XYLT1: variants seen among roughly 807,000 people sequenced by gnomAD.
The protein encoded by XYLT1 is xylosyltransferase 1.
XYLT1 carries 36 observed loss-of-function variants against 91.3 expected under a neutral mutation model. The observed-to-expected ratio is 0.39, with a 90% CI of 0.30 to 0.52. The LOEUF is 0.52. XYLT1 is among the 20% of genes least tolerant of loss of function. The pLI, the probability that XYLT1 is intolerant of heterozygous loss-of-function variation, is 0.68. For missense variants in XYLT1, 1,242 were observed against 1,284.5 expected (o/e 0.97, Z 0.51); for synonymous variants, 588 against 532.0 (o/e 1.11, Z -1.45).
intron 1 of XYLT1, among the ~76,000 whole-genome samples, chr16:17,399,684 C>T (rs958820669): frequency 1.3e-5 from 2 of 152,184 alleles, no homozygotes; most frequent in South Asian, 2.1e-4. Context: ...AGATTTTCAT[C>T]CCCTTAACCT....
chr16:17,133,052 CA>C (rs2141504298), intron 9 of XYLT1, among the ~76,000 whole-genome samples: 1 of 152,302 alleles, frequency 6.6e-6, no homozygotes, highest in South Asian at 2.1e-4. Context: ...TGCCCAAGGT[CA>C]ATAGCTTGTA....
At chr16:17,304,480 CCA>C (rs2034443671) in intron 2 of XYLT1, among the ~76,000 whole-genome samples, 3 of 26,966 alleles carry the variant, frequency 1.1e-4, no homozygotes, top group South Asian at 1.9e-3. Context: ...GGGATTTGGA[CCA>C]TTTGGACCGC....
At chr16:17,305,812 T>G (rs1265772017) in intron 2 of XYLT1, among the ~76,000 whole-genome samples, 1 of 152,146 alleles carries the variant, frequency 6.6e-6, no homozygotes. Flanking sequence ...TATTTCCACA[T>G]GAAAAGAGCC....
chr16:17,378,288 A>G (rs970761649), intron 1 of XYLT1, among the ~76,000 whole-genome samples: 21 of 150,702 alleles, frequency 1.4e-4, no homozygotes, highest in Non-Finnish European at 1.2e-4. Context: ...ATAGGTATTT[A>G]TTTGTTCCAA....
intron 3 of XYLT1, among the ~76,000 whole-genome samples, chr16:17,230,675 G>A (rs1171689958): frequency 6.6e-6 from 1 of 152,096 alleles, no homozygotes; most frequent in Non-Finnish European, 1.5e-5. Context: ...CCCTTCCAAG[G>A]TCATCTGAGC....
chr16:17,180,155 C>A (rs912817700), intron 5 of XYLT1, among the ~76,000 whole-genome samples: 3 of 152,214 alleles, frequency 2.0e-5, no homozygotes, highest in Admixed American at 2.0e-4. Context: ...GGGGCCATCT[C>A]CCGGTCGCTC....
At chr16:17,463,343 A>T (rs1232583099) in intron 1 of XYLT1, among the ~76,000 whole-genome samples, 1 of 152,032 alleles carries the variant, frequency 6.6e-6, no homozygotes, top group Non-Finnish European at 1.5e-5. Context: ...TAATAACCAA[A>T]ATATATAAAG....
At chr16:17,277,578 C>T (rs1404932351) in intron 2 of XYLT1, among the ~76,000 whole-genome samples, 6 of 152,002 alleles carry the variant, frequency 3.9e-5, no homozygotes, top group Admixed American at 6.6e-5. Flanking sequence ...TTAGTAGAGA[C>T]GGGGTTTCAC....
At chr16:17,125,346 C>T (rs1051786439) in intron 10 of XYLT1, among the ~76,000 whole-genome samples, 9 of 152,140 alleles carry the variant, frequency 5.9e-5, no homozygotes, top group Admixed American at 1.3e-4. Context: ...TGTCTTGCCT[C>T]CTATCCGCCA....
At chr16:17,174,871 A>T (rs2031905071) in intron 5 of XYLT1, among the ~76,000 whole-genome samples, 1 of 152,156 alleles carries the variant, frequency 6.6e-6, no homozygotes, top group African/African-American at 2.4e-5. Flanking sequence ...CCTGGGTTGA[A>T]GCGATTCTCT....
intron 3 of XYLT1, among the ~76,000 whole-genome samples, chr16:17,236,221 T>C (rs2033246239): frequency 6.6e-6 from 1 of 152,198 alleles, no homozygotes; most frequent in African/African-American, 2.4e-5. Context: ...TTTTTAATTA[T>C]TAGCAACTAA....
intron 1 of XYLT1, among the ~76,000 whole-genome samples, chr16:17,450,104 G>A (rs2036645321): frequency 6.6e-6 from 1 of 152,126 alleles, no homozygotes; most frequent in Non-Finnish European, 1.5e-5. Flanking sequence ...TTGGGAGGTG[G>A]AGGCAGGCAG....
chr16:17,118,242 T>G (rs1567279779), intron 10 of XYLT1, among the ~76,000 whole-genome samples: 1 of 152,014 alleles, frequency 6.6e-6, no homozygotes, highest in Non-Finnish European at 1.5e-5. Context: ...GCATGTGCTT[T>G]GAAAAGAAAA....
intron 3 of XYLT1, among the ~76,000 whole-genome samples, chr16:17,202,544 G>T (rs1458913208): frequency 6.6e-6 from 1 of 151,926 alleles, no homozygotes; most frequent in Non-Finnish European, 1.5e-5. Flanking sequence ...CTTCTCCCTG[G>T]CTTCTTGTGA....
At chr16:17,189,142 T>C (rs1289139114) in intron 5 of XYLT1, among the ~76,000 whole-genome samples, 1 of 152,082 alleles carries the variant, frequency 6.6e-6, no homozygotes. Flanking sequence ...ACTTTCCTCC[T>C]CAAAGCACCC....
chr16:17,310,989 G>A (rs1278937871), intron 2 of XYLT1, among the ~76,000 whole-genome samples: 6 of 152,132 alleles, frequency 3.9e-5, no homozygotes, highest in Non-Finnish European at 7.4e-5. Flanking sequence ...GTCAGAGCAC[G>A]GAGAAAAAGG....
intron 2 of XYLT1, among the ~76,000 whole-genome samples, chr16:17,330,557 CA>C: frequency 6.6e-6 from 1 of 151,982 alleles, no homozygotes; most frequent in South Asian, 2.1e-4. Context: ...GAGGCCGAGG[CA>C]GGCAGATCTC....
chr16:17,432,535 G>A (rs959908995), intron 1 of XYLT1, among the ~76,000 whole-genome samples: 4 of 152,124 alleles, frequency 2.6e-5, no homozygotes, highest in South Asian at 2.1e-4. Flanking sequence ...AATGGACTCC[G>A]ATTGGCATAA....
At chr16:17,152,427 C>A (rs2031303590) in intron 6 of XYLT1, among the ~76,000 whole-genome samples, 1 of 152,208 alleles carries the variant, frequency 6.6e-6, no homozygotes, top group Non-Finnish European at 1.5e-5. Context: ...AAGAGAAATG[C>A]AATCTGCTTT....
Sources: gnomAD v4.1 joint callset for allele counts (sites outside exome capture counted in the v4.1 genomes callset) on GRCh38, gnomAD v4.1.1 for gene constraint, MANE v1.5 for transcripts, NCBI Gene and HGNC (gene_info 2026-07-23, HGNC 2026-07-21) for gene names.